Variants in DPP10 observed in about 807,000 individuals in gnomAD.
The protein encoded by DPP10 is dipeptidyl peptidase like 10, also known as inactive dipeptidyl peptidase 10.
A neutral mutation model predicts 120.9 loss-of-function variants in DPP10; 33 were observed. The ratio of observed to expected loss-of-function variants is 0.27; its 90% CI spans 0.21 to 0.37. The LOEUF (loss-of-function observed/expected upper bound fraction) is 0.37, where lower values mean the gene tolerates loss of function less well. Ranked by LOEUF, DPP10 falls within the 10% of genes least tolerant of loss-of-function variation. DPP10 has a pLI of 1.00. For missense variants in DPP10, 816 were observed against 942.8 expected, an observed-to-expected ratio of 0.87 and a Z score of 1.76; for synonymous variants, 337 against 326.1, an observed-to-expected ratio of 1.03 and a Z score of -0.36.
At chr2:114,697,324 T>C (rs2105797549) in intron 1 of DPP10, among the ~76,000 whole-genome samples, 1 of 152,208 alleles carries the variant, frequency 6.6e-6, no homozygotes, top group South Asian at 2.1e-4. Flanking sequence ...GAAAGGAAAT[T>C]TAATGCATCA....
At chr2:114,697,803 T>C (rs188008827) in intron 1 of DPP10, among the ~76,000 whole-genome samples, 23 of 151,224 alleles carry the variant, frequency 1.5e-4, no homozygotes, top group Admixed American at 1.4e-3. Flanking sequence ...TATTATTCTG[T>C]AGGAGGTTCA....
chr2:115,811,057 C>G (rs1206825357), intron 19 of DPP10, among the ~76,000 whole-genome samples: 1 of 152,134 alleles, frequency 6.6e-6, no homozygotes, highest in Non-Finnish European at 1.5e-5. Flanking sequence ...ATTTATAAGT[C>G]TAGTATTTTC....
At chr2:114,702,890 C>T (rs1266507328) in intron 1 of DPP10, among the ~76,000 whole-genome samples, 1 of 152,098 alleles carries the variant, frequency 6.6e-6, no homozygotes, top group Non-Finnish European at 1.5e-5. Flanking sequence ...GATGGAGGCT[C>T]TTATGTCTGT....
At chr2:115,634,749 G>T (rs985982588) in intron 5 of DPP10, among the ~76,000 whole-genome samples, 1 of 152,186 alleles carries the variant, frequency 6.6e-6, no homozygotes, top group Admixed American at 6.5e-5. Context: ...GGTGGAGGAG[G>T]TGCACTGTGC....
In DPP10 at chr2:115,794,955, G is replaced by A. The variant is rs192585027; in HGVS notation, c.1700+3599G>A. ...ATGGCTATGGGGAGATAACAAGATT[G>A]CAAGCATCTTGAAGTCTATAATAGT... On this transcript the variant is annotated intron_variant, in intron 19 of 25. Coordinates refer to ENST00000410059, the MANE Select transcript of DPP10 (RefSeq NM_020868.6). 1.2e-4 allele frequency among the ~76,000 whole-genome samples: 18 copies of A among 152,190 alleles called. No homozygotes were observed. The East Asian group carries it at 3.5e-3, about 29-fold the overall frequency.
At chr2:115,746,895 A>G (rs776469148) in intron 10 of DPP10, among the ~76,000 whole-genome samples, 3 of 152,204 alleles carry the variant, frequency 2.0e-5, no homozygotes, top group African/African-American at 7.2e-5. Flanking sequence ...ATGTTTTCAC[A>G]TTATATTGAA....
At chr2:115,655,079 A>T (rs2088174489) in intron 5 of DPP10, among the ~76,000 whole-genome samples, 1 of 151,730 alleles carries the variant, frequency 6.6e-6, no homozygotes, top group East Asian at 1.9e-4. Context: ...TTTCTTTGCA[A>T]CTTCACCCTT....
intron 1 of DPP10, among the ~76,000 whole-genome samples, chr2:114,798,985 C>A (rs1683953438): frequency 6.6e-6 from 1 of 151,904 alleles, no homozygotes; most frequent in Non-Finnish European, 1.5e-5. Context: ...AAAAAATAGC[C>A]AGGCATGGTG....
chr2:115,763,383 T>G (rs1057050162), intron 12 of DPP10, among the ~76,000 whole-genome samples: 1 of 152,154 alleles, frequency 6.6e-6, no homozygotes, highest in African/African-American at 2.4e-5. Flanking sequence ...CTCCTAAATC[T>G]GTAAAAGTAG....
intron 1 of DPP10, among the ~76,000 whole-genome samples, chr2:114,543,098 G>T (rs181511363): frequency 4.5e-4 from 68 of 152,260 alleles, no homozygotes; most frequent in Non-Finnish European, 3.2e-4. Flanking sequence ...TGACCAATAC[G>T]ATTTGGCACT....
rs184666460 is a variant in DPP10 at position 114,784,376 on chromosome 2, T to A, written c.60+341538T>A. On this transcript the variant is annotated intron_variant, in intron 1 of 25. Transcript: ENST00000410059. ...GAAGGCACTTAAAAATATTTTCTAC[T>A]TTTACCTCTTTAAAAAGAGGTAGGT... Among the ~76,000 whole-genome samples the A allele has an allele frequency of 3.2e-4, 48 of 152,238 alleles. 1 individual carries two copies. In the Middle Eastern group the frequency reaches 0.017, roughly 54 times the overall value.
At chr2:115,405,203 A>G (rs1346373679) in intron 3 of DPP10, among the ~76,000 whole-genome samples, 1 of 152,248 alleles carries the variant, frequency 6.6e-6, no homozygotes, top group Admixed American at 6.5e-5. Flanking sequence ...GAACAGGCAT[A>G]AGATGAGTAT....
intron 7 of DPP10, among the ~76,000 whole-genome samples, chr2:115,724,916 C>T (rs1283953603): frequency 6.6e-6 from 1 of 152,178 alleles, no homozygotes; most frequent in South Asian, 2.1e-4. Flanking sequence ...CACACACTTT[C>T]GAACAGCCAG....
chr2:115,379,979 G>A (rs2066170738), intron 3 of DPP10, among the ~76,000 whole-genome samples: 2 of 152,184 alleles, frequency 1.3e-5, no homozygotes, highest in South Asian at 2.1e-4. Flanking sequence ...CCAAGTATGT[G>A]GTCAATTTTG....
rs1397219171 is a variant in DPP10 at position 114,442,783 on chromosome 2, AC to A, written c.7del (p.Gln3LysfsTer39). 3 of 1,613,316 alleles carry A rather than the reference AC, an allele frequency of 1.9e-6. No homozygotes were observed. The Admixed American group carries it at 5.0e-5, about 27-fold the overall frequency. On this transcript the variant is annotated frameshift_variant, in exon 1 of 26. Transcript: ENST00000410059. LOFTEE classifies it high-confidence loss of function. M[N>X]QTASVSHHIK... is the part of the protein sequence containing the mutation. ...CACTGTCCAGGGTCCTGAAACATGA[AC>A]CAAACTGCCAGCGTGTCCCATCACA... is the stretch of plus-strand genomic sequence containing the variant.
chr2:115,018,736 T>C (rs1324426070), intron 1 of DPP10, among the ~76,000 whole-genome samples: 1 of 151,930 alleles, frequency 6.6e-6, no homozygotes, highest in Non-Finnish European at 1.5e-5. Context: ...AGGGGAGGGA[T>C]AGCATTAGGA....
intron 5 of DPP10, among the ~76,000 whole-genome samples, chr2:115,608,218 T>C (rs111455768): frequency 0.076 from 11,623 of 151,968 alleles, 450 homozygotes; most frequent in South Asian, 0.12. Flanking sequence ...TAAAACCCCA[T>C]CTCTACTAAA....
intron 1 of DPP10, among the ~76,000 whole-genome samples, chr2:114,601,217 G>A (rs1692339954): frequency 6.6e-6 from 1 of 151,736 alleles, no homozygotes; most frequent in Non-Finnish European, 1.5e-5. Context: ...GTTCTTCATC[G>A]AGTTTAGAGA....
At chr2:115,234,663 C>T (rs59259939) in intron 1 of DPP10, 63,481 of 152,002 alleles carry the variant, frequency 0.42, 14,078 homozygotes, top group Non-Finnish European at 0.5. Context: ...CATGCACTTA[C>T]ATTTCCTAAA....
Sources: allele counts gnomAD v4.1 joint callset (sites outside exome capture counted in the v4.1 genomes callset), GRCh38; gene constraint gnomAD v4.1.1; transcripts MANE v1.5; gene names NCBI Gene and HGNC (gene_info 2026-07-23, HGNC 2026-07-21).